The following KCNMB2 variants were observed in gnomAD, a reference collection of about 807,000 sequenced individuals.
The protein encoded by KCNMB2 is calcium-activated potassium channel subunit beta-2.
In KCNMB2, 9 loss-of-function variants were observed where a neutral mutation model predicts 24.5. That is an observed-to-expected ratio of 0.37 (90% CI 0.22 to 0.64). The LOEUF is 0.64. KCNMB2 is among the 30% of genes least tolerant of loss of function. The pLI, the probability that KCNMB2 is intolerant of heterozygous loss-of-function variation, is 0.63. For synonymous variants in KCNMB2, 109 were observed against 104.4 expected, an observed-to-expected ratio of 1.04 and a Z score of -0.27; for missense variants, 226 against 284.3, an observed-to-expected ratio of 0.79 and a Z score of 1.47.
chr3:178,607,236 T>C (rs1718304477), intron 1 of KCNMB2, among the ~76,000 whole-genome samples: 5 of 152,180 alleles, frequency 3.3e-5, no homozygotes, highest in Admixed American at 2.6e-4. Context: ...AGGTATACAG[T>C]GCAGTGGCAA....
At chr3:178,815,171 C>T (rs1388657428) in intron 2 of KCNMB2, among the ~76,000 whole-genome samples, 1 of 152,072 alleles carries the variant, frequency 6.6e-6, no homozygotes, top group Non-Finnish European at 1.5e-5. Flanking sequence ...AAGGGTCTCG[C>T]TCTGTCACAC....
chr3:178,669,591 A>G (rs1720832525), intron 1 of KCNMB2, among the ~76,000 whole-genome samples: 1 of 152,102 alleles, frequency 6.6e-6, no homozygotes, highest in African/African-American at 2.4e-5. Flanking sequence ...CACATTGGCT[A>G]AATTCTAAAG....
At chr3:178,689,497 G>A (rs774354252) in intron 1 of KCNMB2, among the ~76,000 whole-genome samples, 24 of 152,182 alleles carry the variant, frequency 1.6e-4, no homozygotes, top group African/African-American at 4.6e-4. Flanking sequence ...TTAGCTGGGC[G>A]TGGTGGTGGG....
chr3:178,790,762 G>C (rs1713290738), intron 1 of KCNMB2, among the ~76,000 whole-genome samples: 1 of 152,200 alleles, frequency 6.6e-6, no homozygotes, highest in Non-Finnish European at 1.5e-5. Context: ...GGCACAAAGA[G>C]AGACACTTCA....
chr3:178,727,062 A>G (rs982876150), intron 1 of KCNMB2, among the ~76,000 whole-genome samples: 1 of 152,150 alleles, frequency 6.6e-6, no homozygotes, highest in African/African-American at 2.4e-5. Context: ...TTAAATTAGA[A>G]TAAGTAAGCT....
intron 1 of KCNMB2, among the ~76,000 whole-genome samples, chr3:178,654,354 CAT>C (rs1436383105): frequency 1.3e-5 from 2 of 152,046 alleles, no homozygotes; most frequent in Non-Finnish European, 2.9e-5. Flanking sequence ...CTCATGTCAA[CAT>C]ATGAGGGACA....
chr3:178,822,449 A>G (rs1387326236), intron 2 of KCNMB2, among the ~76,000 whole-genome samples: 1 of 152,168 alleles, frequency 6.6e-6, no homozygotes, highest in East Asian at 1.9e-4. Context: ...CCACGCTGAT[A>G]TTTATATACA....
At chr3:178,618,992 C>T (rs1718813230) in intron 1 of KCNMB2, among the ~76,000 whole-genome samples, 2 of 152,118 alleles carry the variant, frequency 1.3e-5, no homozygotes. Flanking sequence ...GGTTTAAAAC[C>T]CAGCTCTGTT....
intron 4 of KCNMB2, among the ~76,000 whole-genome samples, chr3:178,835,291 C>T (rs1027802524): frequency 5.3e-5 from 8 of 152,046 alleles, no homozygotes; most frequent in Non-Finnish European, 7.4e-5. Flanking sequence ...ATACTTGGAA[C>T]GGTCCACTTG....
intron 1 of KCNMB2, among the ~76,000 whole-genome samples, chr3:178,619,682 T>C (rs1323305180): frequency 6.6e-6 from 1 of 152,160 alleles, no homozygotes; most frequent in Non-Finnish European, 1.5e-5. Flanking sequence ...AAAATGAATT[T>C]CATTTCCATC....
chr3:178,817,246 T>C (rs953076931), intron 2 of KCNMB2, among the ~76,000 whole-genome samples: 1 of 144,578 alleles, frequency 6.9e-6, no homozygotes, highest in South Asian at 2.2e-4. Flanking sequence ...GTGACTGTCA[T>C]TTCTCCCCAA....
At chr3:178,606,643 T>C (rs1718282508) in intron 1 of KCNMB2, among the ~76,000 whole-genome samples, 1 of 152,170 alleles carries the variant, frequency 6.6e-6, no homozygotes, top group Admixed American at 6.5e-5. Context: ...ATCCCTTTAA[T>C]GTATTTTGCA....
intron 1 of KCNMB2, among the ~76,000 whole-genome samples, chr3:178,635,974 GA>G: frequency 6.6e-6 from 1 of 152,322 alleles, no homozygotes; most frequent in South Asian, 2.1e-4. Context: ...TAGAGATGCA[GA>G]AGACATATTT....
chr3:178,660,887 C>T (rs1401197005), intron 1 of KCNMB2, among the ~76,000 whole-genome samples: 3 of 152,026 alleles, frequency 2.0e-5, no homozygotes, highest in Non-Finnish European at 2.9e-5. Context: ...ATAAAATAAC[C>T]TGATTCTTCA....
intron 1 of KCNMB2, among the ~76,000 whole-genome samples, chr3:178,665,815 CAGG>C (rs1282324565): frequency 6.6e-6 from 1 of 152,080 alleles, no homozygotes; most frequent in African/African-American, 2.4e-5. Flanking sequence ...AATATAATGC[CAGG>C]AGAATAATAA....
chr3:178,794,280 A>G (rs1355769378), intron 1 of KCNMB2, among the ~76,000 whole-genome samples: 1 of 152,076 alleles, frequency 6.6e-6, no homozygotes, highest in Non-Finnish European at 1.5e-5. Context: ...GCTGGGCATG[A>G]GGAAGTAAGT....
chr3:178,650,861 G>A (rs765044712), intron 1 of KCNMB2, among the ~76,000 whole-genome samples: 18 of 151,874 alleles, frequency 1.2e-4, no homozygotes, highest in Non-Finnish European at 2.1e-4. Context: ...ATTTAACACC[G>A]CTTCATGCTA....
chr3:178,820,132 T>C (rs1306486646), intron 2 of KCNMB2, among the ~76,000 whole-genome samples: 1 of 152,234 alleles, frequency 6.6e-6, no homozygotes, highest in East Asian at 1.9e-4. Context: ...CAATACTCCT[T>C]AAAATAAGTC....
At chr3:178,612,860 T>C (rs916881198) in intron 1 of KCNMB2, among the ~76,000 whole-genome samples, 3 of 152,200 alleles carry the variant, frequency 2.0e-5, no homozygotes, top group African/African-American at 4.8e-5. Context: ...TGATTTTCTC[T>C]GATAGTATGA....
Sources: gnomAD v4.1 joint callset for allele counts (sites outside exome capture counted in the v4.1 genomes callset) on GRCh38, gnomAD v4.1.1 for gene constraint, MANE v1.5 for transcripts, NCBI Gene and HGNC (gene_info 2026-07-23, HGNC 2026-07-21) for gene names.